The following TMEM17 variants were observed in gnomAD, a reference collection of about 807,000 sequenced individuals.
TMEM17 encodes transmembrane protein 17.
In TMEM17, 15 loss-of-function variants were observed where a neutral mutation model predicts 19.1. That is an observed-to-expected ratio of 0.78 (90% confidence interval 0.52 to 1.21). The LOEUF is 1.21. Among genes scored for constraint, TMEM17 ranks in the 50% most tolerant of loss-of-function variants. TMEM17 has a pLI of 0.00. For missense variants in TMEM17, 245 were observed against 242.3 expected (o/e 1.01, Z -0.07); for synonymous variants, 103 against 86.9 (o/e 1.19, Z -1.03).
chr2:62,488,250 G>C, the TMEM17 span, among the ~76,000 whole-genome samples: 1 of 151,940 alleles, frequency 6.6e-6, no homozygotes, highest in African/African-American at 2.4e-5. Context: ...TGCCTTCCTG[G>C]GTGGCTTTGA....
chr2:62,485,968 T>G, the TMEM17 span, among the ~76,000 whole-genome samples: 1 of 152,228 alleles, frequency 6.6e-6, no homozygotes, highest in Non-Finnish European at 1.5e-5. Context: ...ACTGTGCTTT[T>G]TTTTCCCCCA....
the TMEM17 span, among the ~76,000 whole-genome samples, chr2:62,487,843 G>T: frequency 6.6e-6 from 1 of 152,138 alleles, no homozygotes; most frequent in African/African-American, 2.4e-5. Flanking sequence ...ACAGGCTCAT[G>T]CCACCATGCC....
At position 62,501,144 on chromosome 2, in the gene TMEM17, T is replaced by C; in HGVS notation, c.*65A>G. 6.5e-7 allele frequency: 1 copy of C among 1,531,710 alleles called. No homozygotes were observed. Among genetic ancestry groups the C allele is most frequent in the Non-Finnish European group, 8.8e-7 (1 of 1,132,982 alleles). 94.9% of individuals were successfully genotyped at this position (1,531,710 alleles called of 1,614,324 possible). On this transcript the variant is annotated 3_prime_UTR_variant, in exon 4 of 4. Coordinates refer to ENST00000335390, the MANE Select transcript of TMEM17 (RefSeq NM_198276.3). ...TGCTTTGTCCCTTTTCTCAGAGCTC[T>C]GATATTTTCCTAACTCTTACAGTCT...
At chr2:62,479,304 G>A in the TMEM17 span, among the ~76,000 whole-genome samples, 1 of 152,114 alleles carries the variant, frequency 6.6e-6, no homozygotes, top group South Asian at 2.1e-4. Flanking sequence ...CCAATATGAA[G>A]GGGGACATGC....
chr2:62,489,623 G>C, the TMEM17 span, among the ~76,000 whole-genome samples: 1 of 152,140 alleles, frequency 6.6e-6, no homozygotes, highest in African/African-American at 2.4e-5. Flanking sequence ...ATAAAGGCAA[G>C]AGCTTACTGG....
chr2:62,473,269 A>T, the TMEM17 span, among the ~76,000 whole-genome samples: 3 of 152,218 alleles, frequency 2.0e-5, no homozygotes, highest in Non-Finnish European at 4.4e-5. Flanking sequence ...AAACTAAGGT[A>T]CTGGGAGGAC....
the TMEM17 span, among the ~76,000 whole-genome samples, chr2:62,454,272 C>T: frequency 3.9e-5 from 6 of 152,176 alleles, no homozygotes; most frequent in Non-Finnish European, 5.9e-5. Context: ...TCTCCACAGA[C>T]CCAGCTCTGG....
rs377525350 is a variant in TMEM17, at chr2:62,505,839, G to A, written c.100+191C>T. 8.5e-5 allele frequency among the ~76,000 whole-genome samples: 13 copies of A among 152,314 alleles called. No individual in the cohort carries two copies. The East Asian group carries it at 2.3e-3, about 27-fold the overall frequency. On this transcript the variant is annotated intron_variant, in intron 1 of 3. Coordinates refer to ENST00000335390, the MANE Select transcript of TMEM17 (RefSeq NM_198276.3). Reference sequence around the variant, plus strand: ...CACCACGCGGAGACCAGGCCCGGCCGGGGGCGGGAGGCCGCCAGCGCCTCA... The same window carrying A: ...CACCACGCGGAGACCAGGCCCGGCCAGGGGCGGGAGGCCGCCAGCGCCTCA...
At chr2:62,456,406 T>C in the TMEM17 span, among the ~76,000 whole-genome samples, 1 of 152,228 alleles carries the variant, frequency 6.6e-6, no homozygotes, top group Non-Finnish European at 1.5e-5. Flanking sequence ...CAAATCTCTC[T>C]CTCTGTCTGC....
the TMEM17 span, among the ~76,000 whole-genome samples, chr2:62,481,268 G>C: frequency 0.73 from 111,041 of 151,978 alleles, 40,695 homozygotes; most frequent in South Asian, 0.84. Flanking sequence ...AGAAACATTA[G>C]TGATTTTTGT....
chr2:62,488,059 C>T, the TMEM17 span, among the ~76,000 whole-genome samples: 6 of 152,236 alleles, frequency 3.9e-5, no homozygotes, highest in African/African-American at 7.2e-5. Context: ...CAGTCTATTT[C>T]GAGGCTATTG....
rs36063898 is a variant in TMEM17, at chr2:62,500,612, ATT to A, written c.*595_*596del. On this transcript the variant is annotated 3_prime_UTR_variant, in exon 4 of 4. Transcript: ENST00000335390. ...AGGTGCCTGCAACCACGCCTAGCTA[ATT>A]TTTTTTTTTTTTGTATTTTTAGTAG... 5.5e-5 allele frequency: 8 copies of A among 145,088 alleles called. No homozygotes were observed. The highest frequency in any genetic ancestry group is 2.0e-4 in the East Asian group (1 of 4,998). 9.0% of individuals were successfully genotyped at this position (145,088 alleles called of 1,614,324 possible). A position where few individuals can be genotyped will look rare whatever the true frequency, so the allele number is the denominator to read the frequency against.
In TMEM17 at chr2:62,501,143, C is replaced by T. The variant is rs1463853637; in HGVS notation, c.*66G>A. 1 of 1,529,116 alleles carries T rather than the reference C, an allele frequency of 6.5e-7. No homozygotes were observed. The highest frequency in any genetic ancestry group is 8.8e-7 in the Non-Finnish European group (1 of 1,131,220). 94.7% of individuals were successfully genotyped at this position (1,529,116 alleles called of 1,614,324 possible). A position where few individuals can be genotyped will look rare whatever the true frequency, so the allele number is the denominator to read the frequency against. ...TTGCTTTGTCCCTTTTCTCAGAGCT[C>T]TGATATTTTCCTAACTCTTACAGTC... On this transcript the variant is annotated 3_prime_UTR_variant, in exon 4 of 4. Coordinates refer to ENST00000335390, the MANE Select transcript of TMEM17 (RefSeq NM_198276.3).
At chr2:62,475,142 G>A in the TMEM17 span, among the ~76,000 whole-genome samples, 94 of 152,344 alleles carry the variant, frequency 6.2e-4, 3 homozygotes, top group East Asian at 0.012. Context: ...GCAGCAGGAA[G>A]GGGGCTGCCC....
chr2:62,471,746 G>T, the TMEM17 span, among the ~76,000 whole-genome samples: 1 of 152,260 alleles, frequency 6.6e-6, no homozygotes, highest in Admixed American at 6.5e-5. Context: ...CAGGGGGCAA[G>T]GCTGAGGCTG....
chr2:62,471,969 A>G, the TMEM17 span, among the ~76,000 whole-genome samples: 154 of 152,362 alleles, frequency 1.0e-3, no homozygotes, highest in Non-Finnish European at 1.9e-3. Flanking sequence ...AAGAACTCAG[A>G]TGCGGAGTCA....
chr2:62,453,827 C>T, the TMEM17 span, among the ~76,000 whole-genome samples: 2 of 152,136 alleles, frequency 1.3e-5, no homozygotes, highest in Non-Finnish European at 2.9e-5. Context: ...TTTTATTAGA[C>T]TGAGCTAAAG....
chr2:62,468,011 G>A, the TMEM17 span, among the ~76,000 whole-genome samples: 90 of 152,202 alleles, frequency 5.9e-4, 1 homozygote, highest in African/African-American at 2.1e-3. Context: ...CCCTCTGCTG[G>A]GTCTGGTTAG....
At chr2:62,490,939 C>G in the TMEM17 span, among the ~76,000 whole-genome samples, 4 of 151,710 alleles carry the variant, frequency 2.6e-5, no homozygotes, top group African/African-American at 9.7e-5. Context: ...ATTAGCTGGG[C>G]GCAGTGGTGT....
Sources: gnomAD v4.1 joint callset for allele counts (sites outside exome capture counted in the v4.1 genomes callset) on GRCh38, gnomAD v4.1.1 for gene constraint, MANE v1.5 for transcripts, NCBI Gene and HGNC (gene_info 2026-07-23, HGNC 2026-07-21) for gene names.